GPATCH2: variants seen among roughly 807,000 people sequenced by gnomAD.
GPATCH2 encodes the protein G-patch domain containing 2, also known as G patch domain-containing protein 2.
In GPATCH2, 51 loss-of-function variants were observed where a neutral mutation model predicts 58.0. The observed-to-expected ratio is 0.88, with a 90% CI of 0.70 to 1.11. The LOEUF (loss-of-function observed/expected upper bound fraction) is 1.11. GPATCH2 is among the 50% of genes most tolerant of loss of function. GPATCH2 has a pLI of 0.00. For missense variants in GPATCH2, 625 were observed against 652.2 expected, an observed-to-expected ratio of 0.96 and a Z score of 0.45; for synonymous variants, 222 against 218.5, an observed-to-expected ratio of 1.02 and a Z score of -0.14.
intron 5 of GPATCH2, among the ~76,000 whole-genome samples, chr1:217,580,492 T>C (rs1667020759): frequency 6.6e-6 from 1 of 152,202 alleles, no homozygotes; most frequent in Non-Finnish European, 1.5e-5. Flanking sequence ...CTAAAGTATA[T>C]ATGATTATGG....
chr1:217,529,920 C>T (rs1161171287), intron 5 of GPATCH2, among the ~76,000 whole-genome samples: 2 of 152,108 alleles, frequency 1.3e-5, no homozygotes, highest in African/African-American at 4.8e-5. Flanking sequence ...AAAAATCTTC[C>T]AATGTATCCA....
chr1:217,493,144 C>G (rs1661831580), intron 7 of GPATCH2, among the ~76,000 whole-genome samples: 2 of 152,146 alleles, frequency 1.3e-5, no homozygotes. Flanking sequence ...CTGGAAAAGT[C>G]TCCCAAATGA....
intron 5 of GPATCH2, among the ~76,000 whole-genome samples, chr1:217,537,958 C>T (rs141651081): frequency 6.6e-6 from 1 of 152,220 alleles, no homozygotes; most frequent in Admixed American, 6.5e-5. Flanking sequence ...ATTACACAGA[C>T]TTTACCTCCT....
At chr1:217,476,205 GAAGAAAAGAGGGA>G (rs2102509957) in intron 8 of GPATCH2, among the ~76,000 whole-genome samples, 1 of 151,670 alleles carries the variant, frequency 6.6e-6, no homozygotes, top group Admixed American at 6.6e-5. Flanking sequence ...ATTTGGTCTG[GAAGAAAAGAGGGA>G]AAGAAATCCA....
intron 6 of GPATCH2, among the ~76,000 whole-genome samples, chr1:217,514,596 T>G (rs1170082885): frequency 1.3e-5 from 2 of 152,224 alleles, no homozygotes; most frequent in East Asian, 3.8e-4. Context: ...ATGCATGAAT[T>G]TCAAATACTA....
intron 5 of GPATCH2, among the ~76,000 whole-genome samples, chr1:217,596,221 C>G (rs919322008): frequency 2.6e-5 from 4 of 151,902 alleles, no homozygotes; most frequent in African/African-American, 9.7e-5. Context: ...AATGACTTGC[C>G]CAGTATATTC....
At chr1:217,541,379 G>GA (rs1336673103) in intron 5 of GPATCH2, among the ~76,000 whole-genome samples, 2 of 152,158 alleles carry the variant, frequency 1.3e-5, no homozygotes, top group African/African-American at 2.4e-5. Flanking sequence ...TGTCTGACAT[G>GA]AGTCTAAATT....
chr1:217,530,339 G>T lies in GPATCH2; in HGVS notation c.1099-15450C>A, dbSNP rs113247117. 2.6e-3 allele frequency among the ~76,000 whole-genome samples: 395 copies of T among 152,194 alleles called. 1 individual carries two copies. The highest frequency in any genetic ancestry group is 9.1e-3 in the African/African-American group (379 of 41,508). ...TCAATTGCTTCATCTACAAAATGGGGGTGGATAATAGTACCTATTTCATTG... is the reference window on the plus strand; with the variant it reads ...TCAATTGCTTCATCTACAAAATGGGTGTGGATAATAGTACCTATTTCATTG... On this transcript the variant is annotated intron_variant, in intron 5 of 9. Coordinates refer to ENST00000366935, the MANE Select transcript of GPATCH2 (RefSeq NM_018040.5).
At chr1:217,552,202 A>G (rs1665398648) in intron 5 of GPATCH2, among the ~76,000 whole-genome samples, 1 of 152,086 alleles carries the variant, frequency 6.6e-6, no homozygotes, top group Non-Finnish European at 1.5e-5. Context: ...GATGTATATG[A>G]ATAAAAACCT....
chr1:217,514,384 C>A (rs946205530), intron 6 of GPATCH2, among the ~76,000 whole-genome samples: 2 of 151,958 alleles, frequency 1.3e-5, no homozygotes, highest in Admixed American at 1.3e-4. Context: ...GTCTCAAACT[C>A]CTGAACTCAG....
chr1:217,485,634 C>T (rs1273009056), intron 8 of GPATCH2, among the ~76,000 whole-genome samples: 1 of 152,044 alleles, frequency 6.6e-6, no homozygotes, highest in African/African-American at 2.4e-5. Flanking sequence ...TTTCTATCTT[C>T]ATATAAATGT....
intron 8 of GPATCH2, among the ~76,000 whole-genome samples, chr1:217,477,745 C>T (rs1389092669): frequency 6.6e-6 from 1 of 152,176 alleles, no homozygotes; most frequent in African/African-American, 2.4e-5. Flanking sequence ...TATAACAGAA[C>T]ACCAGGTAGA....
intron 6 of GPATCH2, among the ~76,000 whole-genome samples, chr1:217,506,885 T>G (rs1662591245): frequency 6.6e-6 from 1 of 152,230 alleles, no homozygotes; most frequent in Non-Finnish European, 1.5e-5. Flanking sequence ...AGAGAGCTCA[T>G]TAGCCGTCCC....
intron 8 of GPATCH2, among the ~76,000 whole-genome samples, chr1:217,480,691 C>T (rs769644427): frequency 7.9e-5 from 12 of 152,152 alleles, no homozygotes; most frequent in Non-Finnish European, 1.3e-4. Context: ...ACCTGCACTC[C>T]CATGTTTGTT....
chr1:217,539,950 T>G (rs1414518782), intron 5 of GPATCH2, among the ~76,000 whole-genome samples: 2 of 152,178 alleles, frequency 1.3e-5, no homozygotes, highest in Non-Finnish European at 2.9e-5. Context: ...TAGTCACTAC[T>G]TTTATCATAA....
chr1:217,485,005 A>G (rs1211379569), intron 8 of GPATCH2, among the ~76,000 whole-genome samples: 3 of 152,122 alleles, frequency 2.0e-5, no homozygotes, highest in Non-Finnish European at 4.4e-5. Flanking sequence ...TATATTTACT[A>G]TAGAAATTGG....
intron 8 of GPATCH2, among the ~76,000 whole-genome samples, chr1:217,450,015 T>C (rs182761243): frequency 2.6e-5 from 4 of 152,254 alleles, no homozygotes. Context: ...TACTATATAA[T>C]TAGATTCTTC....
intron 3 of GPATCH2, among the ~76,000 whole-genome samples, chr1:217,611,290 G>A (rs1399412885): frequency 1.3e-5 from 2 of 152,066 alleles, no homozygotes; most frequent in Non-Finnish European, 1.5e-5. Context: ...AAAATTATGT[G>A]TTATTTACCT....
At chr1:217,615,539 T>A (rs552153431) in intron 2 of GPATCH2, among the ~76,000 whole-genome samples, 6 of 152,134 alleles carry the variant, frequency 3.9e-5, no homozygotes, top group Non-Finnish European at 8.8e-5. Flanking sequence ...TCTAAACTAC[T>A]ATTGATACTT....
Sources: gnomAD v4.1 joint callset for allele counts (sites outside exome capture counted in the v4.1 genomes callset) on GRCh38, gnomAD v4.1.1 for gene constraint, MANE v1.5 for transcripts, NCBI Gene and HGNC (gene_info 2026-07-23, HGNC 2026-07-21) for gene names.